LONP1: variants seen among roughly 807,000 people sequenced by gnomAD.
LONP1 encodes the protein lon peptidase 1, mitochondrial, also known as lon protease homolog, mitochondrial.
LONP1 carries 31 observed loss-of-function variants against 98.5 expected under a neutral mutation model. That is an observed-to-expected ratio of 0.31 (90% CI 0.24 to 0.42). LONP1 has a LOEUF of 0.42. Among genes scored for constraint, LONP1 ranks in the 20% least tolerant of loss-of-function variants. The probability of loss-of-function intolerance (pLI) is 1.00; values close to 1 mark genes in which losing one functional copy is unlikely to be tolerated. For synonymous variants in LONP1, 781 were observed against 594.7 expected (o/e 1.31, Z -4.56); for missense variants, 1,336 against 1,350.6 (o/e 0.99, Z 0.17).
Position 5,694,464 on chromosome 19 carries a change from T to C in LONP1, c.2243A>G (p.Lys748Arg), listed in dbSNP as rs139966145. The change falls in exon 15 of 18, where the codon AAG becomes AGG. Residue 748 changes from lysine (K) to arginine (R), a missense_variant. Lys to Arg is a conservative substitution (Grantham distance 26). This residue lies in a region of LONP1 where 555 missense variants were observed against 542.6 expected (regional missense o/e 1.02). Transcript: ENST00000360614. ...CATGCGCTCCACGGTGAACACGGGC[T>C]TCCCCACGAAGTCCTGCAGGTTCTC... is the stretch of plus-strand genomic sequence containing the variant. ...TPENLQDFVGKPVFTVERMYD... is the reference protein window; with the variant it reads ...TPENLQDFVGRPVFTVERMYD... 24 of 1,613,172 alleles carry C rather than the reference T, an allele frequency of 1.5e-5. No homozygotes were observed. Among genetic ancestry groups the C allele is most frequent in the Non-Finnish European group, 2.0e-5 (24 of 1,180,000 alleles).
Position 5,697,574 on chromosome 19 carries a change from G to A in LONP1, c.1686-817C>T, listed in dbSNP as rs114331496. Reference sequence around the variant, plus strand: ...TGGAGAGGGAAGGGGGTAGAGGGAGGGGGAGGAAGAAGAGAGGGAGAGAGA... The same window carrying A: ...TGGAGAGGGAAGGGGGTAGAGGGAGAGGGAGGAAGAAGAGAGGGAGAGAGA... On this transcript the variant is annotated intron_variant, in intron 10 of 17. Coordinates refer to ENST00000360614, the MANE Select transcript of LONP1 (RefSeq NM_004793.4). 9.5e-3 allele frequency among the ~76,000 whole-genome samples: 1,238 copies of A among 130,566 alleles called. 33 individuals carry two copies. The highest frequency in any genetic ancestry group is 0.033 in the African/African-American group (1,131 of 34,534). The allele number at this position is 130,566 out of a possible 152,430, so 85.7% of individuals were successfully genotyped here.
At position 5,711,776 on chromosome 19, in the gene LONP1, C is replaced by G; in HGVS notation, c.865G>C (p.Val289Leu). 1.9e-6 allele frequency: 3 copies of G among 1,607,516 alleles called. No homozygotes were observed. The highest frequency in any genetic ancestry group is 2.6e-6 in the Non-Finnish European group (3 of 1,175,990). ...TGCGTGACGCACGGACTCACTTTCA[C>G]CTCCTCCGTGACCTGGAAGTCCTCG... Reference protein sequence around the residue: ...VHEDFQVTEEVKALTAEIVKT... With the variant: ...VHEDFQVTEELKALTAEIVKT... Residue 289 changes from valine to leucine, a missense_variant, in exon 4 of 18, where the codon GTG becomes CTG. Physicochemically the swap from Val to Leu is conservative, Grantham distance 32 (BLOSUM62 1). Around this residue, in one of 5 missense-constraint regions of LONP1, gnomAD observed 97 missense variants for 139.0 expected, o/e 0.70. Coordinates refer to ENST00000360614, the MANE Select transcript of LONP1 (RefSeq NM_004793.4).
At chr19:5,696,876 G>T in intron 10 of LONP1, 119 bp from the exon 11 acceptor site, 1 of 660,576 alleles carries the variant, frequency 1.5e-6, no homozygotes, top group South Asian at 1.9e-5. Flanking sequence ...ATGTGGCCAT[G>T]ATGTGGGAGG....
In LONP1 at chr19:5,692,037, G is replaced by A. The variant is rs1020325457; in HGVS notation, c.2875C>T (p.Arg959Trp). The A allele has an allele frequency of 8.5e-6, 12 of 1,418,780 alleles. No homozygotes were observed. Among genetic ancestry groups the A allele is most frequent in the South Asian group, 3.7e-5 (3 of 81,634 alleles). The allele number at this position is 1,418,780 out of a possible 1,614,324, so 87.9% of individuals were successfully genotyped here. ...CTGCAGTCCCGGGGTGGCCGTCACC[G>A]TTCCACGGCCAGCGCCTCTGCCTGC... Reference protein sequence around the residue: ...DEQAEALAVER With the variant: ...DEQAEALAVEW Residue 959 changes from arginine to tryptophan, a missense_variant, in exon 18 of 18, where the codon CGG (arginine) becomes TGG (tryptophan). Physicochemically the swap from Arg to Trp is moderately radical, Grantham distance 101 (BLOSUM62 -3). Around this residue, in one of 5 missense-constraint regions of LONP1, gnomAD observed 555 missense variants for 542.6 expected, o/e 1.02. Transcript: ENST00000360614.
intron 2 of LONP1, 28 bp downstream of exon 2, chr19:5,714,155 A>C: frequency 1.3e-6 from 2 of 1,578,392 alleles, no homozygotes; most frequent in Admixed American, 3.4e-5. Context: ...CACCGTCAAC[A>C]AGGGAATGAA....
intron 4 of LONP1, among the ~76,000 whole-genome samples, chr19:5,710,422 G>GT (rs1267046047): frequency 6.6e-6 from 1 of 150,666 alleles, no homozygotes; most frequent in Non-Finnish European, 1.5e-5. Context: ...TAGATACAGG[G>GT]TCTCACTCTG....
intron 1 of LONP1, 136 bp downstream of exon 1, chr19:5,719,568 G>A (rs1228678906): frequency 2.0e-6 from 3 of 1,495,436 alleles, no homozygotes; most frequent in Admixed American, 2.1e-5. Flanking sequence ...GAGCAGACAA[G>A]GATTCGAACT....
intron 10 of LONP1, among the ~76,000 whole-genome samples, chr19:5,698,260 G>C (rs2054978225): frequency 6.6e-6 from 1 of 152,178 alleles, no homozygotes; most frequent in African/African-American, 2.4e-5. Context: ...GAGGTCGGGA[G>C]CTGGGGATGT....
At chr19:5,706,189 T>C (rs771145321) in intron 7 of LONP1, among the ~76,000 whole-genome samples, 197 bp from the exon 8 acceptor site, 9 of 152,046 alleles carry the variant, frequency 5.9e-5, no homozygotes, top group Non-Finnish European at 1.0e-4. Context: ...CAGGCTGGAG[T>C]GCAAAGGCAC....
intron 13 of LONP1, among the ~76,000 whole-genome samples, chr19:5,695,120 C>T (rs541218817): frequency 1.1e-3 from 167 of 152,106 alleles, no homozygotes; most frequent in Non-Finnish European, 2.0e-3. Context: ...GATCCACTTC[C>T]TATCCCCCAA....
At position 5,705,906 on chromosome 19, in the gene LONP1, C is replaced by T. The variant is rs776298976; in HGVS notation, c.1233G>A (p.Lys411=). ...TCTCCTCGATGGCATCCTTGTCGTC[C>T]TTCTCCAGGCCCAGCTCCTTCTTGA... is the stretch of plus-strand genomic sequence containing the variant. ...KIIKKELGLE[K]DDKDAIEEKF... Residue 411 remains lysine, a synonymous_variant, in exon 8 of 18, where the codon AAG becomes AAA. Coordinates refer to ENST00000360614, the MANE Select transcript of LONP1 (RefSeq NM_004793.4). The T allele has an allele frequency of 3.0e-5, 48 of 1,614,192 alleles. 1 individual carries two copies. In the South Asian group the frequency reaches 4.9e-4, roughly 17 times the overall value.
intron 9 of LONP1, 77 bp from the exon 10 acceptor site, chr19:5,699,282 C>T (rs2054998889): frequency 5.8e-6 from 7 of 1,206,928 alleles, no homozygotes; most frequent in South Asian, 5.2e-5. Context: ...GCCACCTGCA[C>T]ACTGCCTTTC....
chr19:5,710,041 C>T (rs1421818757), intron 4 of LONP1, among the ~76,000 whole-genome samples: 3 of 150,968 alleles, frequency 2.0e-5, no homozygotes, highest in Non-Finnish European at 4.4e-5. Flanking sequence ...TGCCCCAATG[C>T]TGAGCTGCCC....
At chr19:5,701,997 G>C (rs2055055373) in intron 8 of LONP1, among the ~76,000 whole-genome samples, 1 of 151,460 alleles carries the variant, frequency 6.6e-6, no homozygotes. Context: ...GAAGTGAGGA[G>C]ACCCTCTGCC....
chr19:5,694,995 G>A (rs1033889998), intron 13 of LONP1, 94 bp from the exon 14 acceptor site: 4 of 1,420,238 alleles, frequency 2.8e-6, no homozygotes, highest in Non-Finnish European at 3.8e-6. Flanking sequence ...ATGGCCCCCA[G>A]ACCCTGGCCT....
At chr19:5,720,195 G>C (rs1035704387), upstream of LONP1, 6 of 1,384,600 alleles carry the variant, frequency 4.3e-6, no homozygotes, top group Non-Finnish European at 5.6e-6. Context: ...AAACGCACGT[G>C]ACGCCCGGCG....
chr19:5,710,473 G>A (rs939660323), intron 4 of LONP1, among the ~76,000 whole-genome samples: 1 of 151,932 alleles, frequency 6.6e-6, no homozygotes, highest in Admixed American at 6.6e-5. Flanking sequence ...ACAGCTCACT[G>A]CAGCCTCAAT....
intron 9 of LONP1, among the ~76,000 whole-genome samples, chr19:5,699,925 ATT>A (rs1263367824): frequency 1.3e-5 from 2 of 151,882 alleles, no homozygotes; most frequent in African/African-American, 4.8e-5. Context: ...CAGGAGTGAT[ATT>A]TTAAAAATTA....
chr19:5,699,221 G>A lies in LONP1; in HGVS notation c.1507-16C>T, dbSNP rs781274357. On this transcript the variant is annotated splice_polypyrimidine_tract_variant and intron_variant, in intron 9 of 17. Transcript: ENST00000360614. ...CAATGAACTCCTGCAGACAGAGGCA[G>A]GTTCAGTGGGCACGTGAGCTGGGGA... The A allele has an allele frequency of 3.4e-6, 5 of 1,480,816 alleles. No individual in the cohort carries two copies. Among genetic ancestry groups the A allele is most frequent in the Non-Finnish European group, 4.5e-6 (5 of 1,110,940 alleles). 91.7% of individuals were successfully genotyped at this position (1,480,816 alleles called of 1,614,324 possible).
Sources: allele counts gnomAD v4.1 joint callset (sites outside exome capture counted in the v4.1 genomes callset), GRCh38; gene constraint gnomAD v4.1.1; regional missense constraint gnomAD v4.1.1; transcripts MANE v1.5; gene names NCBI Gene and HGNC (gene_info 2026-07-23, HGNC 2026-07-21).